GPHN: variants seen among roughly 807,000 people sequenced by gnomAD.
GPHN encodes the protein gephyrin.
A neutral mutation model predicts 95.5 loss-of-function variants in GPHN; 17 were observed. The observed-to-expected ratio is 0.18, with a 90% CI of 0.12 to 0.27. The LOEUF is 0.27. Among genes scored for constraint, GPHN ranks in the 10% least tolerant of loss-of-function variants. The pLI is 1.00. For missense variants in GPHN, 660 were observed against 978.1 expected (o/e 0.67, Z 4.34); for synonymous variants, 320 against 322.5 (o/e 0.99, Z 0.08).
intron 1 of GPHN, among the ~76,000 whole-genome samples, chr14:66,647,380 T>C (rs1302035815): frequency 6.6e-6 from 1 of 151,508 alleles, no homozygotes; most frequent in Non-Finnish European, 1.5e-5. Flanking sequence ...CACAGTTAGG[T>C]GTGCTTCTTT....
At chr14:67,225,003 C>G in the GPHN span, 12 of 810,398 alleles carry the variant, frequency 1.5e-5, no homozygotes, top group East Asian at 5.8e-5. Context: ...TCAAAATAAG[C>G]TCTTTCTCCT....
Position 66,841,861 on chromosome 14 carries a change from T to G in GPHN, c.294+17295T>G, listed in dbSNP as rs187580542. Among the ~76,000 whole-genome samples the G allele has an allele frequency of 2.8e-3, 426 of 151,930 alleles. 2 individuals are homozygous for G. The highest frequency in any genetic ancestry group is 4.5e-3 in the Non-Finnish European group (306 of 67,958). On this transcript the variant is annotated intron_variant, in intron 4 of 22. Coordinates refer to ENST00000478722, the MANE Select transcript of GPHN (RefSeq NM_020806.5). ...TTCAAGACCAGCCTGGACAACCGGG[T>G]GAAACCCTGTCTCTAGTAAAAAAGA...
chr14:66,719,305 CT>C (rs1171473880), intron 2 of GPHN, among the ~76,000 whole-genome samples: 1 of 152,140 alleles, frequency 6.6e-6, no homozygotes, highest in Admixed American at 6.5e-5. Flanking sequence ...GCTCACAGGA[CT>C]TTTTCCTCTG....
chr14:66,858,899 A>G (rs1448329168), intron 4 of GPHN, among the ~76,000 whole-genome samples: 2 of 152,152 alleles, frequency 1.3e-5, no homozygotes, highest in Non-Finnish European at 2.9e-5. Context: ...GGTGGTGGCC[A>G]TAAGGTGAGG....
chr14:66,965,727 C>T (rs145170172), intron 9 of GPHN, among the ~76,000 whole-genome samples: 81 of 152,204 alleles, frequency 5.3e-4, no homozygotes, highest in Admixed American at 1.6e-3. Context: ...TAAACTTGTC[C>T]GGGCTGGGGT....
the GPHN span, chr14:67,645,911 C>T: frequency 1.6e-6 from 2 of 1,258,256 alleles, no homozygotes; most frequent in Non-Finnish European, 2.2e-6. Context: ...TGGATTACCA[C>T]TCCTTCATTT....
chr14:67,392,778 A>G, the GPHN span: 1 of 1,614,030 alleles, frequency 6.2e-7, no homozygotes, highest in South Asian at 1.1e-5. Context: ...ATGAGCATGG[A>G]GGCCAGGGTC....
chr14:67,550,218 T>A, the GPHN span, among the ~76,000 whole-genome samples: 1 of 151,718 alleles, frequency 6.6e-6, no homozygotes, highest in Non-Finnish European at 1.5e-5. Flanking sequence ...AGGCAAAGTC[T>A]CACTCTGTTG....
the GPHN span, among the ~76,000 whole-genome samples, chr14:67,675,688 C>G: frequency 2.6e-3 from 393 of 152,270 alleles, 3 homozygotes; most frequent in Non-Finnish European, 3.0e-3. Context: ...ATCTCTGCTC[C>G]AGGGGAATTT....
chr14:67,339,863 C>T, the GPHN span, among the ~76,000 whole-genome samples: 74 of 152,002 alleles, frequency 4.9e-4, 1 homozygote, highest in Non-Finnish European at 9.0e-4. Flanking sequence ...CTTTGGCAGG[C>T]CAAGGCAGGT....
At chr14:66,801,892 A>T (rs763475646) in intron 3 of GPHN, among the ~76,000 whole-genome samples, 25 of 151,978 alleles carry the variant, frequency 1.6e-4, no homozygotes, top group Non-Finnish European at 2.8e-4. Context: ...CACCATCTCT[A>T]GGACTGCACT....
At chr14:67,016,236 T>C (rs996529867) in intron 9 of GPHN, among the ~76,000 whole-genome samples, 2 of 152,040 alleles carry the variant, frequency 1.3e-5, no homozygotes, top group African/African-American at 2.4e-5. Context: ...ATTTTTTTCA[T>C]AAAAATATTT....
At chr14:67,225,972 C>CGT in the GPHN span, among the ~76,000 whole-genome samples, 3 of 107,324 alleles carry the variant, frequency 2.8e-5, no homozygotes, top group African/African-American at 6.1e-5. Flanking sequence ...TGCGCGCGCG[C>CGT]GCGTGCGCAT....
chr14:67,455,363 C>T, the GPHN span, among the ~76,000 whole-genome samples: 3 of 152,284 alleles, frequency 2.0e-5, no homozygotes, highest in South Asian at 6.2e-4. Flanking sequence ...TTCTTCCTTC[C>T]CCACTGTGGC....
chr14:66,588,023 G>A (rs529778460), intron 1 of GPHN, among the ~76,000 whole-genome samples: 2 of 152,298 alleles, frequency 1.3e-5, no homozygotes, highest in African/African-American at 2.4e-5. Flanking sequence ...CCTCTGGGAC[G>A]AAGCTTCCAG....
At chr14:66,740,123 T>C (rs1307226002) in intron 2 of GPHN, among the ~76,000 whole-genome samples, 1 of 152,176 alleles carries the variant, frequency 6.6e-6, no homozygotes, top group Non-Finnish European at 1.5e-5. Context: ...CTACACTGTT[T>C]CATGCACACT....
At chr14:67,432,583 C>T in the GPHN span, among the ~76,000 whole-genome samples, 1 of 152,206 alleles carries the variant, frequency 6.6e-6, no homozygotes, top group Non-Finnish European at 1.5e-5. Flanking sequence ...GGCAAGCTCT[C>T]AGGACAGACT....
chr14:67,199,754 CT>C, the GPHN span: 6 of 1,550,424 alleles, frequency 3.9e-6, no homozygotes, highest in Non-Finnish European at 5.3e-6. Flanking sequence ...GGGGTCTGGG[CT>C]TCCTCCACCA....
the GPHN span, among the ~76,000 whole-genome samples, chr14:67,242,185 C>T: frequency 6.6e-6 from 1 of 152,152 alleles, no homozygotes; most frequent in Non-Finnish European, 1.5e-5. Context: ...ATGTAACTTT[C>T]TAATGATCAT....
Sources: gnomAD v4.1 joint callset for allele counts (sites outside exome capture counted in the v4.1 genomes callset) on GRCh38, gnomAD v4.1.1 for gene constraint, MANE v1.5 for transcripts, NCBI Gene and HGNC (gene_info 2026-07-23, HGNC 2026-07-21) for gene names.